The following DPP10 variants were observed in gnomAD, a reference collection of about 807,000 sequenced individuals.
DPP10 encodes inactive dipeptidyl peptidase 10.
DPP10 carries 33 observed loss-of-function variants against 120.9 expected under a neutral mutation model. That is an observed-to-expected ratio of 0.27 (90% CI 0.21 to 0.37). DPP10 has a LOEUF of 0.37. Among genes scored for constraint, DPP10 ranks in the 10% least tolerant of loss-of-function variants. DPP10 has a pLI of 1.00. For synonymous variants in DPP10, 337 were observed against 326.1 expected, an observed-to-expected ratio of 1.03 and a Z score of -0.36; for missense variants, 816 against 942.8, an observed-to-expected ratio of 0.87 and a Z score of 1.76.
At chr2:114,626,257 A>T (rs1430116676) in intron 1 of DPP10, among the ~76,000 whole-genome samples, 2 of 151,976 alleles carry the variant, frequency 1.3e-5, no homozygotes, top group Admixed American at 1.3e-4. Flanking sequence ...CCTGAAGTTT[A>T]TTTTGTCCTT....
At chr2:115,597,885 T>A (rs1352902535) in intron 5 of DPP10, among the ~76,000 whole-genome samples, 1 of 152,070 alleles carries the variant, frequency 6.6e-6, no homozygotes, top group Non-Finnish European at 1.5e-5. Flanking sequence ...TCTCAAACTA[T>A]GATTGTAAAG....
chr2:114,869,198 C>CAT (rs1690481631), intron 1 of DPP10, among the ~76,000 whole-genome samples: 1 of 151,968 alleles, frequency 6.6e-6, no homozygotes, highest in Non-Finnish European at 1.5e-5. Context: ...ATATTGTGTA[C>CAT]ATATATATAC....
At chr2:114,894,445 C>T (rs1328250835) in intron 1 of DPP10, among the ~76,000 whole-genome samples, 2 of 152,068 alleles carry the variant, frequency 1.3e-5, no homozygotes, top group South Asian at 2.1e-4. Flanking sequence ...TTGCCTATTC[C>T]GTTCATTCAA....
chr2:115,723,402 C>A (rs1271659307), intron 7 of DPP10, among the ~76,000 whole-genome samples: 1 of 152,206 alleles, frequency 6.6e-6, no homozygotes, highest in Non-Finnish European at 1.5e-5. Flanking sequence ...CAACTTTATT[C>A]TTTTCCAAGC....
intron 5 of DPP10, among the ~76,000 whole-genome samples, chr2:115,638,014 G>A (rs2086490402): frequency 6.6e-6 from 1 of 152,234 alleles, no homozygotes; most frequent in African/African-American, 2.4e-5. Context: ...ACTCTAGACT[G>A]TAGCCTCTGA....
At chr2:115,095,320 T>C (rs538892857) in intron 1 of DPP10, among the ~76,000 whole-genome samples, 23 of 152,116 alleles carry the variant, frequency 1.5e-4, no homozygotes, top group Non-Finnish European at 2.9e-4. Context: ...TAGAAAAGGA[T>C]AGATTTAGAT....
At chr2:115,737,624 A>T (rs1676725054) in intron 8 of DPP10, among the ~76,000 whole-genome samples, 1 of 152,182 alleles carries the variant, frequency 6.6e-6, no homozygotes, top group Non-Finnish European at 1.5e-5. Context: ...GGAGGTTGCA[A>T]CATGGCCTAG....
chr2:114,959,941 G>A (rs779182943), intron 1 of DPP10, among the ~76,000 whole-genome samples: 5 of 151,962 alleles, frequency 3.3e-5, no homozygotes, highest in East Asian at 1.9e-4. Context: ...ATCAAGTTGT[G>A]AGACACCAGC....
chr2:114,815,037 G>T (rs771869587), intron 1 of DPP10, among the ~76,000 whole-genome samples: 4 of 152,144 alleles, frequency 2.6e-5, no homozygotes, highest in African/African-American at 9.7e-5. Flanking sequence ...TGAACAGAAG[G>T]TTCCCTCCAC....
At chr2:115,824,284 G>T (rs999958265) in intron 21 of DPP10, among the ~76,000 whole-genome samples, 6 of 152,074 alleles carry the variant, frequency 3.9e-5, no homozygotes, top group Non-Finnish European at 7.4e-5. Context: ...TGGCTGTGAG[G>T]CACGTTCTTT....
chr2:115,835,003 G>A (rs924723577), intron 21 of DPP10, among the ~76,000 whole-genome samples: 11 of 150,422 alleles, frequency 7.3e-5, no homozygotes, highest in East Asian at 5.8e-4. Flanking sequence ...GGAGAATGGC[G>A]TGAACCCGGG....
In DPP10 at chr2:114,828,193, T is replaced by C. The variant is rs547242950; in HGVS notation, c.60+385355T>C. 4.6e-5 allele frequency among the ~76,000 whole-genome samples: 7 copies of C among 152,284 alleles called. 2 individuals are homozygous for C. The South Asian group carries it at 1.5e-3, about 32-fold the overall frequency. On this transcript the variant is annotated intron_variant, in intron 1 of 25. Coordinates refer to ENST00000410059, the MANE Select transcript of DPP10 (RefSeq NM_020868.6). ...CAATGCAAGTTTCATCCTCTGATAATGGGTAGATGGTCTACGGCCATACCA... is the reference window on the plus strand; with the variant it reads ...CAATGCAAGTTTCATCCTCTGATAACGGGTAGATGGTCTACGGCCATACCA...
intron 1 of DPP10, among the ~76,000 whole-genome samples, chr2:114,908,949 C>T (rs1310408943): frequency 6.6e-6 from 1 of 151,608 alleles, no homozygotes; most frequent in African/African-American, 2.4e-5. Context: ...TGATTCTTGT[C>T]ATATTTTAGT....
intron 1 of DPP10, among the ~76,000 whole-genome samples, chr2:114,893,467 G>A (rs1043171926): frequency 6.6e-6 from 1 of 152,008 alleles, no homozygotes; most frequent in Non-Finnish European, 1.5e-5. Flanking sequence ...AATATTGGGG[G>A]GTGGATGGGG....
chr2:115,282,854 C>G (rs1449549240), intron 1 of DPP10, among the ~76,000 whole-genome samples: 2 of 151,960 alleles, frequency 1.3e-5, no homozygotes, highest in Non-Finnish European at 2.9e-5. Context: ...CATTTTGTGC[C>G]TTAATTTCCG....
chr2:115,174,105 G>A (rs1025816457), intron 1 of DPP10, among the ~76,000 whole-genome samples: 1 of 152,290 alleles, frequency 6.6e-6, no homozygotes, highest in South Asian at 2.1e-4. Flanking sequence ...ATAAGAAGAT[G>A]TATTGTATAG....
chr2:115,229,261 T>C (rs944566912), intron 1 of DPP10, among the ~76,000 whole-genome samples: 2 of 152,154 alleles, frequency 1.3e-5, no homozygotes, highest in Admixed American at 6.6e-5. Flanking sequence ...GCTCCTTATG[T>C]AATCTGGTTA....
intron 7 of DPP10, among the ~76,000 whole-genome samples, chr2:115,693,811 A>G (rs965624400): frequency 1.3e-5 from 2 of 152,110 alleles, no homozygotes; most frequent in African/African-American, 4.8e-5. Context: ...TTTAATCTTG[A>G]TATGGCTTAC....
rs573053720 is a variant in DPP10, at chr2:114,930,461, C to T, written c.61-378778C>T. Among the ~76,000 whole-genome samples, 60 of 152,202 alleles carry T rather than the reference C, an allele frequency of 3.9e-4. 1 individual carries two copies. The highest frequency in any genetic ancestry group is 6.6e-4 in the Non-Finnish European group (45 of 68,024). ...TCTTAAATTTGTCCTTTCATTAATC[C>T]CAAGGGCATAAATGCAATGCAGGAA... is the stretch of plus-strand genomic sequence containing the variant. On this transcript the variant is annotated intron_variant, in intron 1 of 25. Transcript: ENST00000410059.
Sources: gnomAD v4.1 joint callset for allele counts (sites outside exome capture counted in the v4.1 genomes callset) on GRCh38, gnomAD v4.1.1 for gene constraint, MANE v1.5 for transcripts, NCBI Gene and HGNC (gene_info 2026-07-23, HGNC 2026-07-21) for gene names.